NKPD1: variants seen among roughly 807,000 people sequenced by gnomAD.
The protein encoded by NKPD1 is NTPase KAP family P-loop domain containing 1.
NKPD1 carries 37 observed loss-of-function variants against 42.2 expected under a neutral mutation model. That is an observed-to-expected ratio of 0.88 (90% CI 0.67 to 1.15). The LOEUF is 1.15. Ranked by LOEUF, NKPD1 falls within the 50% of genes most tolerant of loss-of-function variation. NKPD1 has a pLI of 0.00. For missense variants in NKPD1, 1,113 were observed against 1,174.6 expected, an observed-to-expected ratio of 0.95 and a Z score of 0.77; for synonymous variants, 552 against 536.5, an observed-to-expected ratio of 1.03 and a Z score of -0.40.
Position 45,152,498 on chromosome 19 carries a change from C to G in NKPD1, c.1939G>C (p.Gly647Arg). 6.4e-7 allele frequency: 1 copy of G among 1,560,258 alleles called. No individual in the cohort carries two copies. The highest frequency in any genetic ancestry group is 8.6e-7 in the Non-Finnish European group (1 of 1,162,232). The stretch of plus-strand genomic sequence containing the variant: ...GCCACCGCCTGGCGCGGCGTGGGGC[C>G]CCCAAAGTCCCCCTGCTGCTGCTGC... ...QQQQQQGDFG[G>R]PTPRQAVAWV... The change falls in exon 5 of 5, where the codon GGC becomes CGC. Residue 647 changes from glycine to arginine, a missense_variant. Physicochemically the swap from Gly to Arg is moderately radical, Grantham distance 125. Around this residue, in one of 3 missense-constraint regions of NKPD1, gnomAD observed 867 missense variants for 870.1 expected, o/e 1.00. Transcript: ENST00000686631.
Position 45,153,733 on chromosome 19 carries a change from A to T in NKPD1, c.704T>A (p.Leu235Gln). The T allele has an allele frequency of 6.6e-7, 1 of 1,516,726 alleles. No homozygotes were observed. 94.0% of individuals were successfully genotyped at this position (1,516,726 alleles called of 1,614,324 possible). Residue 235 changes from leucine (L) to glutamine (Q), a missense_variant, in exon 5 of 5, where the codon CTG becomes CAG. This residue lies in a region of NKPD1 where 867 missense variants were observed against 870.1 expected (regional missense o/e 1.00). Transcript: ENST00000686631. The stretch of plus-strand genomic sequence containing the variant: ...ACGCGGCCGCCACTGCACGTGCTGC[A>T]GCTCCTCGCTCTCGCGCTGCGCGGC... Reference protein sequence around the residue: ...QEAAQRESEELQHVQWRPRAV... With the variant: ...QEAAQRESEEQQHVQWRPRAV...
intron 3 of NKPD1, among the ~76,000 whole-genome samples, chr19:45,157,240 T>C (rs866357983): frequency 2.0e-5 from 3 of 152,316 alleles, no homozygotes; most frequent in Middle Eastern, 3.4e-3. Context: ...CCTGCCTCCT[T>C]TGGGCAAAAG....
upstream of NKPD1, among the ~76,000 whole-genome samples, chr19:45,162,488 G>A (rs1173159400): frequency 6.6e-6 from 1 of 152,180 alleles, no homozygotes; most frequent in African/African-American, 2.4e-5. Flanking sequence ...GTCCCCAGAT[G>A]CTACAGATGC....
intron 4 of NKPD1, among the ~76,000 whole-genome samples, chr19:45,155,096 G>A (rs1442050265): frequency 1.3e-5 from 2 of 151,198 alleles, no homozygotes; most frequent in South Asian, 2.1e-4. Flanking sequence ...GGCTGAGGCG[G>A]ATCACATGAG....
At chr19:45,162,646 T>C (rs1357114554), upstream of NKPD1, among the ~76,000 whole-genome samples, 1 of 152,080 alleles carries the variant, frequency 6.6e-6, no homozygotes, top group East Asian at 1.9e-4. Context: ...CGACCTGGCC[T>C]ACACTCCGGG....
At chr19:45,162,648 C>T (rs897521481), upstream of NKPD1, among the ~76,000 whole-genome samples, 3 of 152,290 alleles carry the variant, frequency 2.0e-5, no homozygotes, top group African/African-American at 7.2e-5. Context: ...ACCTGGCCTA[C>T]ACTCCGGGCA....
rs952591941 is a variant in NKPD1, at chr19:45,153,651, G to A, written c.786C>T (p.Pro262=). The A allele has an allele frequency of 1.9e-6, 3 of 1,582,368 alleles. No homozygotes were observed. The highest frequency in any genetic ancestry group is 1.8e-5 in the Admixed American group (1 of 55,984). ...QLLWYLVFLQ[P]IITEVHLRRR... is the part of the protein sequence containing the mutation. ...GCCGCAGGTGCACCTCGGTGATGAT[G>A]GGCTGCAGGAACACCAGGTACCACA... Residue 262 remains proline, a synonymous_variant, in exon 5 of 5, where the codon CCC becomes CCT. Coordinates refer to ENST00000686631, the MANE Select transcript of NKPD1 (RefSeq NM_198478.4).
chr19:45,152,099 C>T lies in NKPD1; in HGVS notation c.2338G>A (p.Ala780Thr). 2 of 1,605,776 alleles carry T rather than the reference C, an allele frequency of 1.2e-6. No individual in the cohort carries two copies. Among genetic ancestry groups the T allele is most frequent in the Non-Finnish European group, 1.7e-6 (2 of 1,177,184 alleles). The change falls in exon 5 of 5, where the codon GCC becomes ACC. Residue 780 changes from alanine to threonine, a missense_variant. By Grantham distance (58) the Ala-to-Thr change is moderately conservative. Transcript: ENST00000686631. ...KSPTRDTPHA[A>T]HRANSASRAP... ...CTGGAGGCGCTGTTGGCCCGGTGGG[C>T]AGCGTGGGGGGTATCGCGGGTAGGG... is the stretch of plus-strand genomic sequence containing the variant.
At position 45,151,873 on chromosome 19, in the gene NKPD1, C is replaced by T; in HGVS notation, c.*65G>A. 1.4e-6 allele frequency: 2 copies of T among 1,444,814 alleles called. No homozygotes were observed. The highest frequency in any genetic ancestry group is 2.6e-5 in the East Asian group (1 of 39,150). The allele number at this position is 1,444,814 out of a possible 1,614,324, so 89.5% of individuals were successfully genotyped here. A position where few individuals can be genotyped will look rare whatever the true frequency, so the allele number is the denominator to read the frequency against. ...CCCTGGGTTGCGGCCCCAGTCCAGC[C>T]CCCTATTCTCCCATCTGGGCAGATG... On this transcript the variant is annotated 3_prime_UTR_variant, in exon 5 of 5. Transcript: ENST00000686631.
At chr19:45,161,450 T>C (rs1471356302), upstream of NKPD1, among the ~76,000 whole-genome samples, 8 of 152,322 alleles carry the variant, frequency 5.3e-5, no homozygotes, top group Non-Finnish European at 1.5e-5. Context: ...TCTAAATGGA[T>C]GTCCATAGGA....
Position 45,153,336 on chromosome 19 carries a change from C to T in NKPD1, c.1101G>A (p.Leu367=). The change falls in exon 5 of 5, where the codon CTG becomes CTA. Residue 367 remains leucine (L), a synonymous_variant. Coordinates refer to ENST00000686631, the MANE Select transcript of NKPD1 (RefSeq NM_198478.4). ...GGCTGCCGCTCGGGCTGCCGTGGCC[C>T]AGCGCGTGGCCGCCCAGTGACAAGT... ...LLYLSLGGHA[L]GHGSPSGSLL... The T allele has an allele frequency of 6.4e-7, 1 of 1,569,056 alleles. No homozygotes were observed. Among genetic ancestry groups the T allele is most frequent in the African/African-American group, 1.3e-5 (1 of 74,120 alleles).
chr19:45,153,748 C>G lies in NKPD1; in HGVS notation c.689G>C (p.Arg230Pro). The G allele has an allele frequency of 6.7e-7, 1 of 1,502,998 alleles. No individual in the cohort carries two copies. Among genetic ancestry groups the G allele is most frequent in the Non-Finnish European group, 8.9e-7 (1 of 1,118,632 alleles). 93.1% of individuals were successfully genotyped at this position (1,502,998 alleles called of 1,614,324 possible). Residue 230 changes from arginine (R) to proline (P), a missense_variant, in exon 5 of 5, where the codon CGC (arginine) becomes CCC (proline). Physicochemically the swap from Arg to Pro is moderately radical, Grantham distance 103 (BLOSUM62 -2). Transcript: ENST00000686631. ...CACGTGCTGCAGCTCCTCGCTCTCG[C>G]GCTGCGCGGCCTCCTGCTGCATCAG... ...TALMQQEAAQ[R>P]ESEELQHVQW... is the part of the protein sequence containing the mutation.
At chr19:45,156,364 G>C (rs1968902960) in intron 3 of NKPD1, among the ~76,000 whole-genome samples, 1 of 152,204 alleles carries the variant, frequency 6.6e-6, no homozygotes, top group Non-Finnish European at 1.5e-5. Context: ...AGCATGGAGA[G>C]GCCCTGGGCC....
upstream of NKPD1, among the ~76,000 whole-genome samples, chr19:45,161,103 G>A (rs1034944344): frequency 1.4e-4 from 21 of 152,216 alleles, no homozygotes; most frequent in Non-Finnish European, 2.2e-4. Context: ...CTGCTCTCGA[G>A]GACTGGGACT....
At chr19:45,157,072 A>G (rs1330951956) in intron 3 of NKPD1, among the ~76,000 whole-genome samples, 1 of 152,162 alleles carries the variant, frequency 6.6e-6, no homozygotes, top group African/African-American at 2.4e-5. Context: ...AGACCTGGAA[A>G]CCCAGCCGTC....
At chr19:45,154,201 G>A (rs1340110342) in intron 4 of NKPD1, among the ~76,000 whole-genome samples, 1 of 152,190 alleles carries the variant, frequency 6.6e-6, no homozygotes, top group Non-Finnish European at 1.5e-5. Context: ...CTGAGGAGGA[G>A]CTATGCTAGG....
rs370896822 is a variant in NKPD1, at chr19:45,153,252, G to T, written c.1185C>A (p.Ala395=). The change falls in exon 5 of 5, where the codon GCC becomes GCA. Residue 395 remains alanine, a synonymous_variant. Coordinates refer to ENST00000686631, the MANE Select transcript of NKPD1 (RefSeq NM_198478.4). ...TTLSGSGLLM[A]VYSVGKHLFV... ...ACAGGTGCTTGCCCACCGAGTACAC[G>T]GCCATGAGCAGCCCCGAGCCCGACA... 1 of 1,603,212 alleles carries T rather than the reference G, an allele frequency of 6.2e-7. No homozygotes were observed. The highest frequency in any genetic ancestry group is 1.7e-5 in the Admixed American group (1 of 58,890).
In NKPD1 at chr19:45,158,087, C is replaced by G. The variant is rs1968937549; in HGVS notation, c.529+576G>C. On this transcript the variant is annotated intron_variant, in intron 3 of 4. Transcript: ENST00000686631. This position sits in a 1 kb window ranked among gnomAD's most constrained non-coding sequence, Gnocchi z 4.6. ...GCCCCCGGCTGCAATGCAATGTGAG[C>G]CCCATGAAGACAAGAGATGTCTGTT... Among the ~76,000 whole-genome samples the G allele has an allele frequency of 6.6e-6, 1 of 152,164 alleles. No homozygotes were observed. The highest frequency in any genetic ancestry group is 6.5e-5 in the Admixed American group (1 of 15,272).
chr19:45,160,827 C>T (rs969398643), intron 1 of NKPD1, among the ~76,000 whole-genome samples, 98 bp downstream of exon 1: 1 of 151,826 alleles, frequency 6.6e-6, no homozygotes, highest in African/African-American at 2.4e-5. Context: ...GTGTGGGGGA[C>T]AGGGATAGGG....
Sources: allele counts gnomAD v4.1 joint callset (sites outside exome capture counted in the v4.1 genomes callset), GRCh38; gene constraint gnomAD v4.1.1; regional missense constraint gnomAD v4.1.1; non-coding constraint Gnocchi (gnomAD v3.1); transcripts MANE v1.5; gene names NCBI Gene and HGNC (gene_info 2026-07-23, HGNC 2026-07-21).